Variants in BACH2 observed in about 807,000 individuals in gnomAD.
The protein encoded by BACH2 is BACH transcriptional regulator 2, also known as transcription regulator protein BACH2.
In BACH2, 5 loss-of-function variants were observed where a neutral mutation model predicts 61.8. The observed-to-expected ratio is 0.08, with a 90% CI of 0.04 to 0.17. BACH2 has a LOEUF of 0.17. Ranked by LOEUF, BACH2 falls within the 10% of genes least tolerant of loss-of-function variation. BACH2 has a pLI of 1.00. For missense variants in BACH2, 824 were observed against 1,091.1 expected (o/e 0.76, Z 3.45); for synonymous variants, 446 against 440.1 (o/e 1.01, Z -0.17).
intron 4 of BACH2, among the ~76,000 whole-genome samples, chr6:90,111,906 G>C (rs1242239494): frequency 6.6e-6 from 1 of 152,220 alleles, no homozygotes; most frequent in Non-Finnish European, 1.5e-5. Flanking sequence ...TTTGCTGAAT[G>C]GATGCTTCTG....
At chr6:89,933,375 G>C (rs1772798165) in intron 8 of BACH2, among the ~76,000 whole-genome samples, 1 of 152,160 alleles carries the variant, frequency 6.6e-6, no homozygotes, top group Non-Finnish European at 1.5e-5. Context: ...GTGGTTGTTA[G>C]GGGTAAAAGG....
intron 6 of BACH2, among the ~76,000 whole-genome samples, chr6:89,991,177 C>T (rs1001105422): frequency 5.3e-5 from 8 of 152,308 alleles, no homozygotes; most frequent in South Asian, 2.1e-4. Flanking sequence ...GCACTTAAAA[C>T]GGCTTAACAC....
At chr6:90,222,882 CCT>C (rs1237130867) in intron 3 of BACH2, among the ~76,000 whole-genome samples, 1 of 152,066 alleles carries the variant, frequency 6.6e-6, no homozygotes. Flanking sequence ...CCTTAGTCAT[CCT>C]CTGTCACCTG....
intron 1 of BACH2, among the ~76,000 whole-genome samples, chr6:90,293,919 T>C (rs761332265): frequency 1.4e-4 from 21 of 152,170 alleles, no homozygotes; most frequent in Non-Finnish European, 2.5e-4. Flanking sequence ...TGGAAAAGAA[T>C]TGCCTGAAGA....
At chr6:90,065,234 T>C (rs572277252) in intron 5 of BACH2, among the ~76,000 whole-genome samples, 1 of 143,558 alleles carries the variant, frequency 7.0e-6, no homozygotes, top group East Asian at 2.0e-4. Context: ...TGTAAAGCAG[T>C]AGGTCCTGCT....
rs193186625 is a variant in BACH2 at position 89,940,470 on chromosome 6, C to T, written c.1837-2120G>A. On this transcript the variant is annotated intron_variant, in intron 7 of 8. Coordinates refer to ENST00000257749, the MANE Select transcript of BACH2 (RefSeq NM_021813.4). The stretch of plus-strand genomic sequence containing the variant: ...TTGAGCAGTTTGTCACTCCCCTTCC[C>T]GAGGCTCTTGGGGATTCAGCAGCTT... 6.0e-4 allele frequency among the ~76,000 whole-genome samples: 91 copies of T among 152,302 alleles called. 1 individual carries two copies. Among genetic ancestry groups the T allele is most frequent in the Admixed American group, 5.5e-3 (84 of 15,294 alleles).
chr6:89,973,947 AT>A (rs1050155629), intron 6 of BACH2, among the ~76,000 whole-genome samples: 2 of 151,642 alleles, frequency 1.3e-5, no homozygotes, highest in East Asian at 3.9e-4. Flanking sequence ...TTACATTGCA[AT>A]TTTTTTTCAG....
At chr6:90,033,447 G>A (rs183550018) in intron 5 of BACH2, among the ~76,000 whole-genome samples, 3 of 151,748 alleles carry the variant, frequency 2.0e-5, no homozygotes, top group Admixed American at 6.6e-5. Context: ...TACTCACAGT[G>A]GTCTGATGAC....
intron 3 of BACH2, among the ~76,000 whole-genome samples, chr6:90,241,933 TTC>T (rs1770469335): frequency 6.6e-6 from 1 of 151,672 alleles, no homozygotes; most frequent in Non-Finnish European, 1.5e-5. Context: ...TATCCTGATT[TTC>T]TTTTTTTTTT....
At chr6:90,055,322 G>A (rs535720390) in intron 5 of BACH2, among the ~76,000 whole-genome samples, 103 of 152,306 alleles carry the variant, frequency 6.8e-4, no homozygotes, top group Middle Eastern at 6.8e-3. Flanking sequence ...GCTACATGTC[G>A]AATGCAGAAG....
Position 90,176,228 on chromosome 6 carries a change from C to A in BACH2, c.-162+30341G>T, listed in dbSNP as rs370639505. ...ATCCAACATGTACATTCTTAAAACA[C>A]ATAGCAAAGCAGGAGTTTCAGATGT... On this transcript the variant is annotated intron_variant, in intron 4 of 8. Coordinates refer to ENST00000257749, the MANE Select transcript of BACH2 (RefSeq NM_021813.4). Among the ~76,000 whole-genome samples the A allele has an allele frequency of 2.4e-4, 37 of 152,300 alleles. No individual in the cohort carries two copies. The East Asian group carries it at 6.9e-3, about 29-fold the overall frequency.
At chr6:90,058,637 T>C (rs1780504034) in intron 5 of BACH2, among the ~76,000 whole-genome samples, 1 of 152,044 alleles carries the variant, frequency 6.6e-6, no homozygotes, top group South Asian at 2.1e-4. Context: ...CAAGTTCATA[T>C]GGAACCAAAA....
intron 3 of BACH2, among the ~76,000 whole-genome samples, chr6:90,213,140 CAAGA>C (rs1769413749): frequency 6.6e-6 from 1 of 152,014 alleles, no homozygotes; most frequent in South Asian, 2.1e-4. Flanking sequence ...CTGCAAGGGT[CAAGA>C]AAGAATGAGA....
chr6:90,020,464 C>T (rs1778311501), intron 5 of BACH2, among the ~76,000 whole-genome samples: 1 of 152,124 alleles, frequency 6.6e-6, no homozygotes, highest in South Asian at 2.1e-4. Context: ...CTCTCATGAG[C>T]TCCCTCACCA....
chr6:89,994,816 T>C (rs748894848), intron 6 of BACH2, among the ~76,000 whole-genome samples: 3 of 152,200 alleles, frequency 2.0e-5, no homozygotes, highest in Admixed American at 1.3e-4. Flanking sequence ...TGTAAGAAAT[T>C]AGAAAATGCA....
chr6:90,264,848 G>T (rs1771273994), intron 2 of BACH2, among the ~76,000 whole-genome samples: 1 of 152,172 alleles, frequency 6.6e-6, no homozygotes, highest in African/African-American at 2.4e-5. Context: ...CCCGTGAGAG[G>T]TTGGAGGTAG....
At chr6:90,239,596 C>T (rs773135530) in intron 3 of BACH2, among the ~76,000 whole-genome samples, 1 of 152,152 alleles carries the variant, frequency 6.6e-6, no homozygotes, top group Non-Finnish European at 1.5e-5. Flanking sequence ...CTTTAATAAT[C>T]TCTGGCAATA....
chr6:89,992,226 T>C (rs1266111678), intron 6 of BACH2, among the ~76,000 whole-genome samples: 1 of 152,232 alleles, frequency 6.6e-6, no homozygotes, highest in African/African-American at 2.4e-5. Context: ...ATCACACATA[T>C]ATATTTATGT....
At chr6:89,954,683 G>C (rs1482436827) in intron 6 of BACH2, among the ~76,000 whole-genome samples, 1 of 151,874 alleles carries the variant, frequency 6.6e-6, no homozygotes, top group Non-Finnish European at 1.5e-5. Flanking sequence ...CAAGGAGCTG[G>C]AGAAAGCATC....
Sources: allele counts gnomAD v4.1 joint callset (sites outside exome capture counted in the v4.1 genomes callset), GRCh38; gene constraint gnomAD v4.1.1; transcripts MANE v1.5; gene names NCBI Gene and HGNC (gene_info 2026-07-23, HGNC 2026-07-21).